Variants in LRRC63 observed in about 807,000 individuals in gnomAD.
LRRC63 encodes leucine-rich repeat-containing protein 63.
A neutral mutation model predicts 49.5 loss-of-function variants in LRRC63; 40 were observed. The ratio of observed to expected loss-of-function variants is 0.81; its 90% CI spans 0.63 to 1.05. LRRC63 has a LOEUF of 1.05. Ranked by LOEUF, LRRC63 falls within the 50% of genes least tolerant of loss-of-function variation. LRRC63 has a pLI of 0.00. For missense variants in LRRC63, 636 were observed against 663.1 expected (o/e 0.96, Z 0.45); for synonymous variants, 191 against 221.1 (o/e 0.86, Z 1.21).
At chr13:46,221,922 T>C (rs1017588273) in intron 2 of LRRC63, among the ~76,000 whole-genome samples, 4 of 152,168 alleles carry the variant, frequency 2.6e-5, no homozygotes, top group Non-Finnish European at 5.9e-5. Flanking sequence ...TAGGCTGAGA[T>C]TGTACTGGGA....
intron 9 of LRRC63, among the ~76,000 whole-genome samples, chr13:46,271,119 T>C (rs2047752369): frequency 6.6e-6 from 1 of 152,190 alleles, no homozygotes; most frequent in Non-Finnish European, 1.5e-5. Context: ...TGACTTTTCA[T>C]ATACTCAGTT....
intron 5 of LRRC63, among the ~76,000 whole-genome samples, chr13:46,236,897 T>C (rs906582689): frequency 6.6e-6 from 1 of 152,138 alleles, no homozygotes; most frequent in African/African-American, 2.4e-5. Flanking sequence ...AAGATTTAAT[T>C]TGTGACAAAA....
At chr13:46,249,227 G>T (rs773163130) in intron 6 of LRRC63, among the ~76,000 whole-genome samples, 1 of 151,364 alleles carries the variant, frequency 6.6e-6, no homozygotes, top group African/African-American at 2.4e-5. Context: ...AAAGCCACTA[G>T]AAAAAAAGGG....
At chr13:46,245,799 A>C (rs1291697001) in intron 5 of LRRC63, among the ~76,000 whole-genome samples, 1 of 152,248 alleles carries the variant, frequency 6.6e-6, no homozygotes, top group African/African-American at 2.4e-5. Context: ...GGGGGTAAAG[A>C]AAATAATTAA....
intron 8 of LRRC63, among the ~76,000 whole-genome samples, chr13:46,266,385 A>G (rs2047684463): frequency 1.3e-5 from 2 of 152,314 alleles, no homozygotes; most frequent in South Asian, 4.1e-4. Context: ...TAATTTGTCT[A>G]TGAAAATATA....
At chr13:46,257,678 T>A (rs2047536926) in intron 7 of LRRC63, among the ~76,000 whole-genome samples, 1 of 152,170 alleles carries the variant, frequency 6.6e-6, no homozygotes, top group Admixed American at 6.5e-5. Context: ...TGATGTAAAT[T>A]TAGCAGTTCA....
chr13:46,250,977 A>G (rs898824550), intron 7 of LRRC63, among the ~76,000 whole-genome samples: 3 of 151,922 alleles, frequency 2.0e-5, no homozygotes, highest in Non-Finnish European at 4.4e-5. Context: ...CTCCATAAGA[A>G]TGCTGATATT....
At chr13:46,232,741 T>TA (rs563071024) in intron 4 of LRRC63, among the ~76,000 whole-genome samples, 24 of 147,512 alleles carry the variant, frequency 1.6e-4, no homozygotes, top group Middle Eastern at 3.4e-3. Context: ...CAACACATTC[T>TA]AAAAAAAAAA....
chr13:46,220,049 G>A (rs1048890865), intron 2 of LRRC63, among the ~76,000 whole-genome samples: 2 of 152,206 alleles, frequency 1.3e-5, no homozygotes, highest in Admixed American at 1.3e-4. Flanking sequence ...GACCCCTGCT[G>A]GGAGGTGTCT....
chr13:46,252,036 A>T (rs949765580), intron 7 of LRRC63, among the ~76,000 whole-genome samples: 1 of 151,976 alleles, frequency 6.6e-6, no homozygotes, highest in Non-Finnish European at 1.5e-5. Flanking sequence ...TAGGATATGT[A>T]TGCATATCAG....
At chr13:46,266,054 T>A (rs2047680133) in intron 8 of LRRC63, among the ~76,000 whole-genome samples, 1 of 151,808 alleles carries the variant, frequency 6.6e-6, no homozygotes, top group South Asian at 2.1e-4. Context: ...CCTTTTCACC[T>A]CTAATACATT....
chr13:46,234,081 A>G lies in LRRC63; in HGVS notation c.833-111A>G, dbSNP rs537944416. 6.0e-5 allele frequency: 60 copies of G among 1,002,846 alleles called. No individual in the cohort carries two copies. The Admixed American group carries it at 6.8e-4, about 11-fold the overall frequency. 62.1% of individuals were successfully genotyped at this position (1,002,846 alleles called of 1,614,324 possible). ...GGAATCCCTGCCAGAGGATGTGTACACTTAAGTCCTTAGGGTAACTCAATA... is the reference window on the plus strand; with the variant it reads ...GGAATCCCTGCCAGAGGATGTGTACGCTTAAGTCCTTAGGGTAACTCAATA... On this transcript the variant is annotated intron_variant, in intron 4 of 9. Transcript: ENST00000595396.
At chr13:46,255,093 A>G (rs1044637536) in intron 7 of LRRC63, among the ~76,000 whole-genome samples, 10 of 152,192 alleles carry the variant, frequency 6.6e-5, no homozygotes, top group African/African-American at 2.4e-4. Context: ...TGAAAACAGA[A>G]TGAAATGCTA....
chr13:46,276,778 A>G, exon 10 of LRRC63: 1 of 1,207,570 alleles, frequency 8.3e-7, no homozygotes, highest in Non-Finnish European at 1.0e-6. Flanking sequence ...ATAGCTCTAG[A>G]TGTGGAGTTG....
In LRRC63 at chr13:46,267,402, T is replaced by C. The variant is rs1467491425; in HGVS notation, c.1550+430T>C. Among the ~76,000 whole-genome samples, 4 of 152,280 alleles carry C rather than the reference T, an allele frequency of 2.6e-5. No homozygotes were observed. The East Asian group carries it at 7.7e-4, about 29-fold the overall frequency. On this transcript the variant is annotated intron_variant, in intron 9 of 9. Transcript: ENST00000595396. ...CCTCCCTCAGGGTATCAATGACCAG[T>C]GTTGGAATCATTGCCTAATCTCAAG...
exon 9 of LRRC63, chr13:46,266,878 C>A (rs2047691224): frequency 6.5e-7 from 1 of 1,548,876 alleles, no homozygotes; most frequent in Non-Finnish European, 8.7e-7. Flanking sequence ...TAATCCACAA[C>A]AACTTACTCA....
rs768509188 is a variant in LRRC63 at position 46,270,559 on chromosome 13, G to A, written c.1550+3587G>A. The A allele has an allele frequency of 1.3e-5, 11 of 857,188 alleles. No homozygotes were observed. In the South Asian group the frequency reaches 1.4e-4, roughly 11 times the overall value. 53.1% of individuals were successfully genotyped at this position (857,188 alleles called of 1,614,324 possible). ...GTAAAAACATAACAGAAGGGTTACT[G>A]ACACAAAAACGGTATGAAGAAGTCA... On this transcript the variant is annotated intron_variant, in intron 9 of 9. Transcript: ENST00000595396.
At chr13:46,258,917 G>A (rs1239686981) in intron 7 of LRRC63, among the ~76,000 whole-genome samples, 2 of 151,462 alleles carry the variant, frequency 1.3e-5, no homozygotes, top group Non-Finnish European at 2.9e-5. Context: ...AATAAAATAT[G>A]CAATATTTTT....
chr13:46,228,703 C>G, exon 4 of LRRC63: 1 of 1,544,500 alleles, frequency 6.5e-7, no homozygotes, highest in East Asian at 2.5e-5. Flanking sequence ...AGAAAGTGTC[C>G]CAAAGCAAAT....
Sources: allele counts gnomAD v4.1 joint callset (sites outside exome capture counted in the v4.1 genomes callset), GRCh38; gene constraint gnomAD v4.1.1; transcripts MANE v1.5; gene names NCBI Gene and HGNC (gene_info 2026-07-23, HGNC 2026-07-21).